The following TMEM132B variants were observed in gnomAD, a reference collection of about 807,000 sequenced individuals.
TMEM132B encodes the protein transmembrane protein 132B.
In TMEM132B, 18 loss-of-function variants were observed where a neutral mutation model predicts 90.8. The ratio of observed to expected loss-of-function variants is 0.20; its 90% CI spans 0.14 to 0.29. The LOEUF is 0.29. TMEM132B is among the 10% of genes least tolerant of loss of function. The pLI, the probability that TMEM132B is intolerant of heterozygous loss-of-function variation, is 1.00. For missense variants in TMEM132B, 1,096 were observed against 1,326.8 expected (o/e 0.83, Z 2.70); for synonymous variants, 504 against 523.3 (o/e 0.96, Z 0.50).
At position 125,349,549 on chromosome 12, in the gene TMEM132B, C is replaced by A. The variant is rs1491893; in HGVS notation, c.165C>A (p.Ser55=). Residue 55 remains serine (S), a synonymous_variant, in exon 2 of 9, where the codon TCC becomes TCA. Transcript: ENST00000682704. This position sits in a 1 kb window ranked among gnomAD's most constrained non-coding sequence, Gnocchi z 4.1. The stretch of plus-strand genomic sequence containing the variant: ...TGCACATCTCCAATGCAGAGGAGTC[C>A]TTTTTCCTTAAAGAAGCCAACCAAG... ...TNLHISNAEE[S]FFLKEANQDL... 0.3 allele frequency: 485,015 copies of A among 1,613,844 alleles called. 74,270 individuals carry two copies. Among genetic ancestry groups the A allele is most frequent in the Admixed American group, 0.4 (23,749 of 59,988 alleles).
intron 3 of TMEM132B, among the ~76,000 whole-genome samples, chr12:125,465,615 G>T (rs760713641): frequency 3.2e-4 from 48 of 152,218 alleles, no homozygotes; most frequent in Non-Finnish European, 6.5e-4. Flanking sequence ...CTGGCCTAGG[G>T]TGTGCCCCCT....
At chr12:125,411,818 C>T (rs961488940) in intron 2 of TMEM132B, among the ~76,000 whole-genome samples, 2 of 152,152 alleles carry the variant, frequency 1.3e-5, no homozygotes, top group African/African-American at 2.4e-5. Flanking sequence ...AATAACTTCA[C>T]TAAGGGGAAG....
chr12:125,195,749 A>T (rs1872910059), intron 1 of TMEM132B, among the ~76,000 whole-genome samples: 1 of 151,946 alleles, frequency 6.6e-6, no homozygotes. Flanking sequence ...CTGAACAAAG[A>T]CCTAAAGGGG....
At chr12:125,456,041 T>A (rs574900166) in intron 3 of TMEM132B, among the ~76,000 whole-genome samples, 1 of 152,236 alleles carries the variant, frequency 6.6e-6, no homozygotes, top group Non-Finnish European at 1.5e-5. Flanking sequence ...AGCGTGGCTG[T>A]GTTTAATAAC....
At chr12:125,239,693 C>T (rs75513971) in intron 1 of TMEM132B, among the ~76,000 whole-genome samples, 40 of 152,326 alleles carry the variant, frequency 2.6e-4, no homozygotes, top group African/African-American at 8.7e-4. Flanking sequence ...TATGTGAATG[C>T]GGAAGGGAGA....
At chr12:125,316,903 G>T (rs1404882562) in intron 1 of TMEM132B, among the ~76,000 whole-genome samples, 2 of 152,150 alleles carry the variant, frequency 1.3e-5, no homozygotes, top group African/African-American at 4.8e-5. Context: ...GATGTGACTC[G>T]CCTAAGGTCC....
chr12:125,603,836 T>C (rs552646234), intron 5 of TMEM132B, among the ~76,000 whole-genome samples: 9 of 152,116 alleles, frequency 5.9e-5, no homozygotes, highest in Non-Finnish European at 1.0e-4. Context: ...CCAACAAATA[T>C]ATGAAGAAAA....
chr12:125,493,149 T>A (rs539306770), intron 3 of TMEM132B, among the ~76,000 whole-genome samples: 142 of 151,988 alleles, frequency 9.3e-4, no homozygotes, highest in African/African-American at 3.4e-3. Flanking sequence ...CACTGGGAGG[T>A]CTCACTCCAC....
chr12:125,491,873 C>T (rs1882362071), intron 3 of TMEM132B, among the ~76,000 whole-genome samples: 1 of 152,172 alleles, frequency 6.6e-6, no homozygotes, highest in African/African-American at 2.4e-5. Context: ...TACCTGAGGC[C>T]ACTTTGGATG....
chr12:125,596,072 A>G (rs1031570412), intron 5 of TMEM132B, among the ~76,000 whole-genome samples: 1 of 152,162 alleles, frequency 6.6e-6, no homozygotes, highest in African/African-American at 2.4e-5. Flanking sequence ...TCCAGCCAAG[A>G]GTTACTTGTA....
At chr12:125,200,358 G>A (rs781558055) in intron 1 of TMEM132B, among the ~76,000 whole-genome samples, 8 of 152,106 alleles carry the variant, frequency 5.3e-5, no homozygotes, top group Non-Finnish European at 1.2e-4. Context: ...ATTTTTTCCT[G>A]TAGGAAGTCT....
intron 6 of TMEM132B, among the ~76,000 whole-genome samples, chr12:125,646,380 A>G (rs1197384496): frequency 2.0e-5 from 3 of 152,266 alleles, no homozygotes; most frequent in Non-Finnish European, 4.4e-5. Flanking sequence ...CAGACAGCAA[A>G]TGATGAATAA....
chr12:125,597,337 C>T (rs1327836540), intron 5 of TMEM132B, among the ~76,000 whole-genome samples: 3 of 152,158 alleles, frequency 2.0e-5, no homozygotes, highest in Non-Finnish European at 2.9e-5. Context: ...TTGCCATTTT[C>T]GTGCTGTGTT....
chr12:125,557,180 A>G (rs997445779), intron 4 of TMEM132B, among the ~76,000 whole-genome samples: 1 of 152,144 alleles, frequency 6.6e-6, no homozygotes. Context: ...ATATGTGTAT[A>G]TATAGTTATT....
intron 5 of TMEM132B, among the ~76,000 whole-genome samples, chr12:125,599,322 A>G (rs1460661724): frequency 6.6e-6 from 1 of 152,208 alleles, no homozygotes; most frequent in Non-Finnish European, 1.5e-5. Context: ...GACATGTGGA[A>G]CTGTGAGTCC....
At chr12:125,259,438 T>A (rs1874510669) in intron 1 of TMEM132B, among the ~76,000 whole-genome samples, 1 of 152,164 alleles carries the variant, frequency 6.6e-6, no homozygotes, top group Non-Finnish European at 1.5e-5. Context: ...GTCACAAGAT[T>A]TAAAGAATTA....
At chr12:125,412,548 CT>C (rs543040247) in intron 2 of TMEM132B, among the ~76,000 whole-genome samples, 31 of 152,180 alleles carry the variant, frequency 2.0e-4, no homozygotes, top group Non-Finnish European at 4.0e-4. Flanking sequence ...GCTGTGTGAC[CT>C]TCAGCCGGTC....
intron 4 of TMEM132B, among the ~76,000 whole-genome samples, chr12:125,546,137 C>T (rs1397481746): frequency 6.6e-6 from 1 of 151,966 alleles, no homozygotes; most frequent in African/African-American, 2.4e-5. Context: ...ACATCTTTTG[C>T]AATAAATTTC....
chr12:125,383,263 T>C (rs928176961), intron 2 of TMEM132B, among the ~76,000 whole-genome samples: 1 of 152,236 alleles, frequency 6.6e-6, no homozygotes, highest in African/African-American at 2.4e-5. Flanking sequence ...AAGCTGGAGT[T>C]ATTCATGGAC....
Sources: allele counts gnomAD v4.1 joint callset (sites outside exome capture counted in the v4.1 genomes callset), GRCh38; gene constraint gnomAD v4.1.1; non-coding constraint Gnocchi (gnomAD v3.1); transcripts MANE v1.5; gene names NCBI Gene and HGNC (gene_info 2026-07-23, HGNC 2026-07-21).